DPP6: variants seen among roughly 807,000 people sequenced by gnomAD.
The protein encoded by DPP6 is A-type potassium channel modulatory protein DPP6.
A neutral mutation model predicts 122.6 loss-of-function variants in DPP6; 69 were observed. The ratio of observed to expected loss-of-function variants is 0.56; its 90% confidence interval spans 0.46 to 0.69. The LOEUF (loss-of-function observed/expected upper bound fraction) is 0.69. Ranked by LOEUF, DPP6 falls within the 30% of genes least tolerant of loss-of-function variation. DPP6 has a pLI of 0.00. For synonymous variants in DPP6, 418 were observed against 433.1 expected, an observed-to-expected ratio of 0.97 and a Z score of 0.43; for missense variants, 928 against 1,116.9, an observed-to-expected ratio of 0.83 and a Z score of 2.41.
chr7:153,906,738 C>T (rs559650554), intron 1 of DPP6, among the ~76,000 whole-genome samples: 136 of 152,360 alleles, frequency 8.9e-4, no homozygotes, highest in African/African-American at 2.8e-3. Flanking sequence ...AGGCGTGAGC[C>T]ATTGCTCCCA....
At chr7:154,277,140 AT>A in intron 1 of DPP6, among the ~76,000 whole-genome samples, 1 of 152,248 alleles carries the variant, frequency 6.6e-6, no homozygotes, top group Non-Finnish European at 1.5e-5. Flanking sequence ...AGCTAGGAAC[AT>A]GTGTGTCAGG....
chr7:154,392,897 G>A (rs56051598), intron 1 of DPP6, among the ~76,000 whole-genome samples: 6,789 of 152,268 alleles, frequency 0.045, 249 homozygotes, highest in East Asian at 0.13. Flanking sequence ...GGCTGGGCCA[G>A]AGGCTGCCTA....
chr7:154,045,168 CTTTTT>C (rs1276532190), intron 1 of DPP6, among the ~76,000 whole-genome samples: 2 of 145,864 alleles, frequency 1.4e-5, no homozygotes, highest in Non-Finnish European at 3.0e-5. Context: ...GGACTGCATT[CTTTTT>C]TGATTCTGAA....
chr7:154,214,692 G>A (rs1266114751), intron 1 of DPP6, among the ~76,000 whole-genome samples: 1 of 152,206 alleles, frequency 6.6e-6, no homozygotes, highest in Non-Finnish European at 1.5e-5. Flanking sequence ...TGAGGTGGGT[G>A]GATTGCTTGA....
At chr7:153,847,461 A>G in the DPP6 span, among the ~76,000 whole-genome samples, 3 of 152,228 alleles carry the variant, frequency 2.0e-5, no homozygotes, top group African/African-American at 4.8e-5. Flanking sequence ...CTTTGCATAT[A>G]TAGCATTTTT....
chr7:154,584,663 G>A (rs765550025), intron 5 of DPP6, among the ~76,000 whole-genome samples: 11 of 152,204 alleles, frequency 7.2e-5, no homozygotes, highest in Non-Finnish European at 1.5e-4. Flanking sequence ...CTTCTTAAAT[G>A]CACTTCTGTT....
In DPP6 at chr7:153,983,071, G is replaced by A. The variant is rs550749714; in HGVS notation, c.51+95337G>A. Among the ~76,000 whole-genome samples, 87 of 152,346 alleles carry A rather than the reference G, an allele frequency of 5.7e-4. 1 individual carries two copies. The highest frequency in any genetic ancestry group is 2.7e-3 in the South Asian group (13 of 4,832). On this transcript the variant is annotated intron_variant, in intron 1 of 25. Transcript: ENST00000404039. ...GTCTGTCCCTTAGCAGAGCTTGAGC[G>A]CTGTGCTGGGAGATCCACTGCTGTC...
chr7:154,528,175 T>C (rs1827563521), intron 3 of DPP6, among the ~76,000 whole-genome samples: 1 of 152,184 alleles, frequency 6.6e-6, no homozygotes, highest in African/African-American at 2.4e-5. Context: ...TTGGTGGTGC[T>C]GTAAGCTTTC....
At position 154,011,952 on chromosome 7, in the gene DPP6, T is replaced by C. The variant is rs544349505; in HGVS notation, c.51+124218T>C. 7.9e-5 allele frequency among the ~76,000 whole-genome samples: 12 copies of C among 152,322 alleles called. 1 individual carries two copies. In the South Asian group the frequency reaches 2.5e-3, roughly 32 times the overall value. On this transcript the variant is annotated intron_variant, in intron 1 of 25. Coordinates refer to the DPP6 transcript ENST00000404039. ...GATTCCCGTGTGAATGTTTTTATGA[T>C]GAAACTGTACAAAATGATAGAACAA...
At chr7:154,724,025 G>A (rs574870909) in intron 7 of DPP6, among the ~76,000 whole-genome samples, 26 of 152,292 alleles carry the variant, frequency 1.7e-4, no homozygotes, top group Non-Finnish European at 2.6e-4. Flanking sequence ...GAGACATGAG[G>A]TGGTTCCTGG....
At chr7:154,728,475 T>C (rs1842178878) in intron 8 of DPP6, among the ~76,000 whole-genome samples, 1 of 152,224 alleles carries the variant, frequency 6.6e-6, no homozygotes, top group Non-Finnish European at 1.5e-5. Flanking sequence ...GAAGCTCTCT[T>C]CTTAAACTTT....
At chr7:153,754,627 C>T in the DPP6 span, among the ~76,000 whole-genome samples, 4 of 152,080 alleles carry the variant, frequency 2.6e-5, no homozygotes, top group Admixed American at 1.3e-4. Flanking sequence ...AACTTTTTTT[C>T]GGTCCTATTC....
intron 1 of DPP6, among the ~76,000 whole-genome samples, chr7:154,151,089 T>C (rs1475366680): frequency 1.3e-5 from 2 of 152,182 alleles, no homozygotes; most frequent in South Asian, 2.1e-4. Flanking sequence ...AGCAAGCTTG[T>C]CCCTAAAGCT....
chr7:153,757,671 C>T, the DPP6 span, among the ~76,000 whole-genome samples: 3 of 152,184 alleles, frequency 2.0e-5, no homozygotes, highest in South Asian at 4.1e-4. Context: ...CTAGAAAGAA[C>T]CATGGGCCGG....
At chr7:154,654,794 T>C (rs558724222) in intron 6 of DPP6, among the ~76,000 whole-genome samples, 1 of 152,280 alleles carries the variant, frequency 6.6e-6, no homozygotes, top group South Asian at 2.1e-4. Flanking sequence ...TAATGGAATA[T>C]GTGCTCAAAT....
At position 154,073,740 on chromosome 7, in the gene DPP6, ATTCCT is replaced by A. The variant is rs1259910972; in HGVS notation, c.243+20678_243+20682del. Among the ~76,000 whole-genome samples, 20 of 152,372 alleles carry A rather than the reference ATTCCT, an allele frequency of 1.3e-4. No homozygotes were observed. The East Asian group carries it at 3.7e-3, about 28-fold the overall frequency. ...TTAAAGATCCTAAGGAGAAATTGGT[ATTCCT>A]GTCTGGAAAAACTTGCTGTTACTTA... is the stretch of plus-strand genomic sequence containing the variant. On this transcript the variant is annotated intron_variant, in intron 1 of 25. Transcript: ENST00000377770.
chr7:154,376,281 G>A (rs1209309225), intron 1 of DPP6, among the ~76,000 whole-genome samples: 1 of 152,212 alleles, frequency 6.6e-6, no homozygotes, highest in East Asian at 1.9e-4. Context: ...TGAAGCCACT[G>A]ATGGTTGCTC....
chr7:154,771,454 G>T (rs537067926), intron 9 of DPP6, among the ~76,000 whole-genome samples: 1 of 152,308 alleles, frequency 6.6e-6, no homozygotes, highest in East Asian at 1.9e-4. Flanking sequence ...CTCTCCTTTT[G>T]TGGACATGGA....
intron 1 of DPP6, among the ~76,000 whole-genome samples, chr7:154,248,890 T>G (rs1175453362): frequency 6.6e-6 from 1 of 151,988 alleles, no homozygotes. Flanking sequence ...AGAAAAGGCA[T>G]TGAACTGTAC....
Sources: gnomAD v4.1 joint callset for allele counts (sites outside exome capture counted in the v4.1 genomes callset) on GRCh38, gnomAD v4.1.1 for gene constraint, MANE v1.5 for transcripts, NCBI Gene and HGNC (gene_info 2026-07-23, HGNC 2026-07-21) for gene names.